ATP8A2: variants seen among roughly 807,000 people sequenced by gnomAD.
ATP8A2 encodes the protein ATPase phospholipid transporting 8A2, also known as phospholipid-transporting ATPase IB.
In ATP8A2, 100 loss-of-function variants were observed where a neutral mutation model predicts 165.6. That is an observed-to-expected ratio of 0.60 (90% CI 0.51 to 0.71). The LOEUF is 0.71. Among genes scored for constraint, ATP8A2 ranks in the 30% least tolerant of loss-of-function variants. The probability of loss-of-function intolerance (pLI) is 0.00; values close to 1 mark genes in which losing one functional copy is unlikely to be tolerated. For missense variants in ATP8A2, 1,227 were observed against 1,479.5 expected, an observed-to-expected ratio of 0.83 and a Z score of 2.80; for synonymous variants, 543 against 548.8, an observed-to-expected ratio of 0.99 and a Z score of 0.15.
intron 24 of ATP8A2, among the ~76,000 whole-genome samples, chr13:25,684,029 A>G (rs1188364954): frequency 2.6e-5 from 4 of 152,224 alleles, no homozygotes; most frequent in African/African-American, 9.7e-5. Context: ...TAAGACTGTG[A>G]TATAAAATGA....
intron 1 of ATP8A2, among the ~76,000 whole-genome samples, chr13:25,415,138 C>T (rs1593276048): frequency 6.6e-6 from 1 of 152,222 alleles, no homozygotes; most frequent in Non-Finnish European, 1.5e-5. Context: ...CACTACAGAT[C>T]CAATAGCACA....
At chr13:25,665,136 C>T (rs1188748502) in intron 24 of ATP8A2, among the ~76,000 whole-genome samples, 1 of 152,172 alleles carries the variant, frequency 6.6e-6, no homozygotes, top group Non-Finnish European at 1.5e-5. Flanking sequence ...GGTCCCCGTG[C>T]ACAGTGTGGT....
At chr13:25,951,091 A>G (rs191601809) in intron 33 of ATP8A2, among the ~76,000 whole-genome samples, 1 of 151,918 alleles carries the variant, frequency 6.6e-6, no homozygotes, top group East Asian at 1.9e-4. Context: ...AGCTAATCAC[A>G]CTCTTCCTGT....
In ATP8A2 at chr13:25,738,348, C is replaced by CACA. The variant is rs200368400; in HGVS notation, c.2385-30698_2385-30697insACA. Among the ~76,000 whole-genome samples, 222 of 109,000 alleles carry CACA rather than the reference C, an allele frequency of 2.0e-3. 2 individuals carry two copies. Among genetic ancestry groups the CACA allele is most frequent in the Non-Finnish European group, 3.2e-3 (146 of 45,128 alleles). The allele number at this position is 109,000 out of a possible 152,430, so 71.5% of individuals were successfully genotyped here. A position where few individuals can be genotyped will look rare whatever the true frequency, so the allele number is the denominator to read the frequency against. On this transcript the variant is annotated intron_variant, in intron 25 of 36. Transcript: ENST00000381655. Reference sequence around the variant, plus strand: ...TTCTTTTTGTGCCCCCCTCCCCCCCCCCCACACACACTTCTTCTGGTAGTT... The same window carrying CACA: ...TTCTTTTTGTGCCCCCCTCCCCCCCCACACCCACACACACTTCTTCTGGTAGTT...
intron 28 of ATP8A2, among the ~76,000 whole-genome samples, chr13:25,831,363 C>T (rs912722955): frequency 7.3e-5 from 11 of 151,654 alleles, no homozygotes; most frequent in Non-Finnish European, 1.3e-4. Context: ...TACAGTCGCC[C>T]GCCACCGCGC....
intron 24 of ATP8A2, among the ~76,000 whole-genome samples, chr13:25,621,539 C>T (rs1472270247): frequency 6.6e-6 from 1 of 152,116 alleles, no homozygotes; most frequent in Non-Finnish European, 1.5e-5. Flanking sequence ...AGACTGAAAT[C>T]CGTCCTGCCT....
chr13:25,870,852 T>G (rs2065799678), intron 33 of ATP8A2, among the ~76,000 whole-genome samples: 1 of 152,226 alleles, frequency 6.6e-6, no homozygotes, highest in African/African-American at 2.4e-5. Context: ...ATATGAATGT[T>G]GAGTTAGAAG....
intron 25 of ATP8A2, among the ~76,000 whole-genome samples, chr13:25,737,919 C>A (rs139012953): frequency 6.6e-6 from 1 of 152,094 alleles, no homozygotes; most frequent in Non-Finnish European, 1.5e-5. Context: ...CTCCTGACCT[C>A]GTGATCCGCC....
intron 10 of ATP8A2, among the ~76,000 whole-genome samples, chr13:25,547,221 G>A (rs1046393399): frequency 4.0e-5 from 6 of 151,812 alleles, no homozygotes; most frequent in African/African-American, 1.4e-4. Context: ...TGTAACCCAG[G>A]AGTCCCCAAG....
At chr13:25,741,473 C>T (rs1217571794) in intron 25 of ATP8A2, among the ~76,000 whole-genome samples, 1 of 152,166 alleles carries the variant, frequency 6.6e-6, no homozygotes, top group African/African-American at 2.4e-5. Context: ...CGCAAGCTCC[C>T]TGGACTCAAG....
intron 24 of ATP8A2, among the ~76,000 whole-genome samples, chr13:25,619,026 T>G (rs762387300): frequency 6.6e-6 from 1 of 152,146 alleles, no homozygotes; most frequent in Non-Finnish European, 1.5e-5. Flanking sequence ...GATTGTTGAA[T>G]AAAATAGTTA....
At chr13:25,399,397 C>CTTTTT (rs71077467) in intron 1 of ATP8A2, among the ~76,000 whole-genome samples, 2,388 of 73,962 alleles carry the variant, frequency 0.032, 307 homozygotes, top group East Asian at 0.17. Context: ...AGTGGTTCTT[C>CTTTTT]TTTTTTTTTT....
chr13:25,500,947 G>A (rs770774841), intron 2 of ATP8A2, among the ~76,000 whole-genome samples: 13 of 152,084 alleles, frequency 8.5e-5, no homozygotes, highest in Non-Finnish European at 1.8e-4. Flanking sequence ...TATTACCTGT[G>A]CATTTTTTTA....
At chr13:25,873,145 C>G (rs888644676) in intron 33 of ATP8A2, among the ~76,000 whole-genome samples, 60 of 152,144 alleles carry the variant, frequency 3.9e-4, no homozygotes, top group African/African-American at 1.3e-3. Context: ...AGGTTCCTCC[C>G]ACACACTTGG....
At position 26,019,869 on chromosome 13, in the gene ATP8A2, C is replaced by T. The variant is rs796674245; in HGVS notation, c.3470-19C>T. ...CAATTCTCCTGTTAACCAGTTTCTC[C>T]TGTGTGCTTCACTTTCAGATGGGTA... is the stretch of plus-strand genomic sequence containing the variant. On this transcript the variant is annotated intron_variant, in intron 36 of 36. Transcript: ENST00000381655. 2.5e-6 allele frequency: 4 copies of T among 1,584,376 alleles called. No homozygotes were observed. In the African/African-American group the frequency reaches 5.4e-5, roughly 21 times the overall value.
intron 25 of ATP8A2, 124 bp from the exon 26 acceptor site, chr13:25,768,922 A>T: frequency 1.1e-6 from 1 of 923,092 alleles, no homozygotes; most frequent in Non-Finnish European, 1.7e-6. Flanking sequence ...ACATGAGCAT[A>T]AAATGGATGT....
chr13:25,845,926 A>G (rs1211113186), intron 30 of ATP8A2, among the ~76,000 whole-genome samples: 1 of 152,238 alleles, frequency 6.6e-6, no homozygotes, highest in Admixed American at 6.5e-5. Flanking sequence ...CTGTAATCCC[A>G]GCACTTTGGG....
At chr13:25,976,474 A>G (rs1042215165) in intron 35 of ATP8A2, among the ~76,000 whole-genome samples, 1 of 151,984 alleles carries the variant, frequency 6.6e-6, no homozygotes, top group African/African-American at 2.4e-5. Context: ...AAATGCTTGC[A>G]TTTGCAATTA....
chr13:25,591,311 T>G (rs1373104186), intron 24 of ATP8A2: 1 of 456,700 alleles, frequency 2.2e-6, no homozygotes, highest in Non-Finnish European at 4.4e-6. Context: ...CTACTCTCCA[T>G]TCCCACACCT....
Sources: allele counts gnomAD v4.1 joint callset (sites outside exome capture counted in the v4.1 genomes callset), GRCh38; gene constraint gnomAD v4.1.1; transcripts MANE v1.5; gene names NCBI Gene and HGNC (gene_info 2026-07-23, HGNC 2026-07-21).